EPHX1: variants seen among roughly 807,000 people sequenced by gnomAD.
The protein encoded by EPHX1 is epoxide hydrolase 1, also known as epoxide hydratase.
EPHX1 carries 40 observed loss-of-function variants against 43.2 expected under a neutral mutation model. The observed-to-expected ratio is 0.93, with a 90% CI of 0.72 to 1.21. The LOEUF (loss-of-function observed/expected upper bound fraction) is 1.21, where lower values mean the gene tolerates loss of function less well. Ranked by LOEUF, EPHX1 falls within the 50% of genes most tolerant of loss-of-function variation. The probability of loss-of-function intolerance (pLI) is 0.00; values close to 1 mark genes in which losing one functional copy is unlikely to be tolerated. For synonymous variants in EPHX1, 221 were observed against 226.7 expected (o/e 0.98, Z 0.22); for missense variants, 550 against 570.4 (o/e 0.96, Z 0.36).
chr1:225,832,521 CAAAG>C (rs1431385786), intron 3 of EPHX1, among the ~76,000 whole-genome samples: 1 of 152,230 alleles, frequency 6.6e-6, no homozygotes, highest in Non-Finnish European at 1.5e-5. Context: ...GGCTCCATCT[CAAAG>C]AAAGAAAAGA....
chr1:225,834,589 TAA>T (rs33985896), intron 3 of EPHX1, among the ~76,000 whole-genome samples: 9 of 121,172 alleles, frequency 7.4e-5, no homozygotes, highest in African/African-American at 1.3e-4. Context: ...CCAAGAACAC[TAA>T]AAAAAAAAAA....
chr1:225,844,468 A>G (rs374144870), intron 7 of EPHX1, 30 bp from the exon 8 acceptor site: 3 of 1,612,272 alleles, frequency 1.9e-6, no homozygotes. Context: ...TGTGGCACTG[A>G]GAGTGGGGCT....
intron 7 of EPHX1, among the ~76,000 whole-genome samples, chr1:225,843,547 G>T (rs1436437908): frequency 6.6e-6 from 1 of 152,146 alleles, no homozygotes; most frequent in Admixed American, 6.6e-5. Context: ...CTTGGCAGGG[G>T]GTCTGGCCTG....
chr1:225,831,619 C>G (rs1300420644), intron 2 of EPHX1, among the ~76,000 whole-genome samples, 160 bp from the exon 3 acceptor site: 2 of 152,034 alleles, frequency 1.3e-5, no homozygotes, highest in African/African-American at 4.8e-5. Context: ...AAGAACACAT[C>G]CGCTTTGGGA....
chr1:225,811,294 T>C (rs1457208206), intron 1 of EPHX1, among the ~76,000 whole-genome samples: 1 of 152,168 alleles, frequency 6.6e-6, no homozygotes, highest in Admixed American at 6.5e-5. Flanking sequence ...GTTGTAATCC[T>C]AATTTTGACT....
chr1:225,826,510 A>G (rs1667250066), intron 1 of EPHX1, among the ~76,000 whole-genome samples: 1 of 151,214 alleles, frequency 6.6e-6, no homozygotes, highest in Admixed American at 6.6e-5. Flanking sequence ...TGGAACATGC[A>G]TCAACGTGTC....
chr1:225,835,326 C>A (rs926354512), intron 3 of EPHX1, among the ~76,000 whole-genome samples: 1 of 151,834 alleles, frequency 6.6e-6, no homozygotes, highest in Admixed American at 6.6e-5. Flanking sequence ...TCAAGCGATC[C>A]TCCCACCTCA....
rs1420805269 is a variant in EPHX1 at position 225,842,480 on chromosome 1, GCCCTGGTTTGCCCCTGCAGTCATGA to G, written c.1040+14_1040+38del. On this transcript the variant is annotated splice_region_variant and intron_variant, in intron 7 of 8. Transcript: ENST00000272167. ...GAGGATGGAGGCCTGGAAAGGTGAG[GCCCTGGTTTGCCCCTGCAGTCATGA>G]CCCTGGTCCCAGCAGCCAACCTCCT... 5 of 1,592,698 alleles carry G rather than the reference GCCCTGGTTTGCCCCTGCAGTCATGA, an allele frequency of 3.1e-6. No individual in the cohort carries two copies. The highest frequency in any genetic ancestry group is 4.3e-6 in the Non-Finnish European group (5 of 1,160,562).
intron 1 of EPHX1, chr1:225,825,306 G>C (rs1029954546): frequency 2.0e-5 from 3 of 152,360 alleles, no homozygotes; most frequent in African/African-American, 7.2e-5. Context: ...ATTGTCAGAA[G>C]GCCGTGGGGA....
At chr1:225,839,436 C>T in intron 5 of EPHX1, 90 bp downstream of exon 5, 1 of 1,577,744 alleles carries the variant, frequency 6.3e-7, no homozygotes, top group South Asian at 1.1e-5. Flanking sequence ...CAGGGTGGGC[C>T]AAGGACCCCC....
At chr1:225,819,322 T>G (rs1446315563) in intron 1 of EPHX1, among the ~76,000 whole-genome samples, 2 of 151,596 alleles carry the variant, frequency 1.3e-5, no homozygotes, top group Non-Finnish European at 2.9e-5. Flanking sequence ...GGAGACTTGC[T>G]TGAACCAGGG....
chr1:225,810,392 C>A (rs1412662596), intron 1 of EPHX1: 1 of 152,054 alleles, frequency 6.6e-6, no homozygotes, highest in Non-Finnish European at 1.5e-5. Flanking sequence ...AGCCTGCAGG[C>A]GACCGCGGAC....
intron 2 of EPHX1, 74 bp downstream of exon 2, chr1:225,828,986 G>T: frequency 6.6e-7 from 1 of 1,515,344 alleles, no homozygotes; most frequent in Non-Finnish European, 9.0e-7. Flanking sequence ...TGGGTCTTAG[G>T]CCAGATGCGG....
chr1:225,841,449 A>G (rs1414203738), intron 6 of EPHX1, among the ~76,000 whole-genome samples: 3 of 149,772 alleles, frequency 2.0e-5, no homozygotes, highest in Non-Finnish European at 4.4e-5. Context: ...TGCCTGGCTA[A>G]TGTTTTGTAT....
intron 3 of EPHX1, among the ~76,000 whole-genome samples, chr1:225,833,428 C>A (rs1023256069): frequency 1.1e-4 from 17 of 151,752 alleles, no homozygotes; most frequent in Admixed American, 1.1e-3. Context: ...TGCTTGAGCC[C>A]AGGAATTCAA....
intron 4 of EPHX1, 79 bp downstream of exon 4, chr1:225,838,960 C>A: frequency 6.6e-7 from 1 of 1,526,388 alleles, no homozygotes; most frequent in Non-Finnish European, 9.1e-7. Context: ...GCTCTCCTTC[C>A]GGCGGGGTGA....
At chr1:225,836,774 CAG>C in intron 3 of EPHX1, among the ~76,000 whole-genome samples, 1 of 152,252 alleles carries the variant, frequency 6.6e-6, no homozygotes, top group Middle Eastern at 3.4e-3. Context: ...GGGTGGTTGT[CAG>C]GGGCTGGGGA....
intron 1 of EPHX1, among the ~76,000 whole-genome samples, chr1:225,813,414 C>T (rs1034640806): frequency 2.6e-5 from 4 of 152,168 alleles, no homozygotes; most frequent in Admixed American, 2.0e-4. Flanking sequence ...GGAGAAGGCA[C>T]CCCAGCAGTT....
chr1:225,816,668 CG>C (rs1414381834), intron 1 of EPHX1, among the ~76,000 whole-genome samples: 7 of 152,222 alleles, frequency 4.6e-5, no homozygotes, highest in Non-Finnish European at 8.8e-5. Context: ...CCAGCCCACC[CG>C]CGTGGCCTTC....
Sources: gnomAD v4.1 joint callset for allele counts (sites outside exome capture counted in the v4.1 genomes callset) on GRCh38, gnomAD v4.1.1 for gene constraint, MANE v1.5 for transcripts, NCBI Gene and HGNC (gene_info 2026-07-23, HGNC 2026-07-21) for gene names.